The following SNX29 variants were observed in gnomAD, a reference collection of about 807,000 sequenced individuals.
SNX29 encodes the protein sorting nexin 29, also known as sorting nexin-29.
SNX29 carries 78 observed loss-of-function variants against 102.1 expected under a neutral mutation model. The ratio of observed to expected loss-of-function variants is 0.76; its 90% confidence interval spans 0.64 to 0.92. SNX29 has a LOEUF of 0.92. Among genes scored for constraint, SNX29 ranks in the 40% least tolerant of loss-of-function variants. The probability of loss-of-function intolerance (pLI) is 0.00; values close to 1 mark genes in which losing one functional copy is unlikely to be tolerated. For missense variants in SNX29, 1,280 were observed against 1,061.7 expected (o/e 1.21, Z -2.86); for synonymous variants, 580 against 414.5 (o/e 1.40, Z -4.85).
intron 18 of SNX29, among the ~76,000 whole-genome samples, chr16:12,414,814 G>A (rs181135577): frequency 1.3e-5 from 2 of 152,218 alleles, no homozygotes; most frequent in Admixed American, 6.5e-5. Context: ...CTTCGCCTCC[G>A]GGGTTCAAGC....
chr16:12,262,694 G>T (rs1225913210), intron 14 of SNX29, among the ~76,000 whole-genome samples: 2 of 152,170 alleles, frequency 1.3e-5, no homozygotes, highest in Admixed American at 6.5e-5. Context: ...AGGAGACCAG[G>T]GCAGTGATGA....
intron 3 of SNX29, among the ~76,000 whole-genome samples, chr16:12,012,377 G>A (rs2056683352): frequency 6.6e-6 from 1 of 151,992 alleles, no homozygotes; most frequent in South Asian, 2.1e-4. Context: ...GGGAAGTATT[G>A]GAATGCCATC....
At chr16:12,391,159 T>A (rs1451594944) in intron 16 of SNX29, among the ~76,000 whole-genome samples, 1 of 152,106 alleles carries the variant, frequency 6.6e-6, no homozygotes, top group African/African-American at 2.4e-5. Flanking sequence ...TTGCCCAGAC[T>A]GGCCTTAGAC....
At chr16:12,278,155 C>T in intron 15 of SNX29, 119 bp downstream of exon 15, 3 of 767,202 alleles carry the variant, frequency 3.9e-6, no homozygotes, top group South Asian at 3.3e-5. Flanking sequence ...AACTCCTCAG[C>T]CCCACAAAAC....
At chr16:12,007,743 C>T (rs913247642) in intron 3 of SNX29, among the ~76,000 whole-genome samples, 4 of 152,240 alleles carry the variant, frequency 2.6e-5, no homozygotes, top group Non-Finnish European at 4.4e-5. Context: ...TCTTCCCATT[C>T]GTTCTTGTCC....
At chr16:12,158,042 C>G (rs557387023) in intron 13 of SNX29, among the ~76,000 whole-genome samples, 35 of 152,028 alleles carry the variant, frequency 2.3e-4, no homozygotes, top group Non-Finnish European at 2.6e-4. Flanking sequence ...GGTACAGTGA[C>G]CAACTCCAGC....
At chr16:12,288,514 T>C (rs2079679501) in intron 15 of SNX29, among the ~76,000 whole-genome samples, 1 of 152,066 alleles carries the variant, frequency 6.6e-6, no homozygotes, top group Non-Finnish European at 1.5e-5. Context: ...CACCGCCACT[T>C]CAATAAAGCT....
chr16:12,275,639 T>C (rs1203683277), intron 14 of SNX29, among the ~76,000 whole-genome samples: 3 of 152,080 alleles, frequency 2.0e-5, no homozygotes, highest in Admixed American at 1.3e-4. Context: ...TTATCAGTCA[T>C]CTACCTGATT....
In SNX29 at chr16:12,369,455, T is replaced by C. The variant is rs1016900650; in HGVS notation, c.1899+13176T>C. Among the ~76,000 whole-genome samples, 9 of 152,118 alleles carry C rather than the reference T, an allele frequency of 5.9e-5. No homozygotes were observed. The South Asian group carries it at 1.9e-3, about 32-fold the overall frequency. ...CCGGCCGCATGTTCATATCTTAATA[T>C]GATGTCATGAGCATGGGAAAGGGGT... On this transcript the variant is annotated intron_variant, in intron 16 of 20. Coordinates refer to ENST00000566228, the MANE Select transcript of SNX29 (RefSeq NM_032167.5).
intron 19 of SNX29, among the ~76,000 whole-genome samples, chr16:12,493,597 CGTT>C (rs1236440517): frequency 2.6e-5 from 4 of 152,216 alleles, no homozygotes; most frequent in African/African-American, 7.2e-5. Context: ...TGAGAGAGGG[CGTT>C]GTTGTTGTTT....
chr16:12,549,337 A>G (rs552531753), intron 20 of SNX29, among the ~76,000 whole-genome samples: 1 of 152,210 alleles, frequency 6.6e-6, no homozygotes, highest in Non-Finnish European at 1.5e-5. Context: ...TCTACCAAAA[A>G]TACAAAAATT....
intron 20 of SNX29, among the ~76,000 whole-genome samples, chr16:12,554,081 C>T (rs868327826): frequency 6.6e-6 from 1 of 152,368 alleles, no homozygotes; most frequent in Middle Eastern, 3.4e-3. Flanking sequence ...TCACCTTGGC[C>T]TCCCAAAAGC....
rs185203812 is a variant in SNX29, at chr16:12,359,886, C to T, written c.1899+3607C>T. The stretch of plus-strand genomic sequence containing the variant: ...TCGCCCAGGCTGGAGTGCAGTGGTG[C>T]GATCTCAGCTCAATGCAACCTCCGC... On this transcript the variant is annotated intron_variant, in intron 16 of 20. Transcript: ENST00000566228. Among the ~76,000 whole-genome samples, 476 of 152,228 alleles carry T rather than the reference C, an allele frequency of 3.1e-3. 3 individuals are homozygous for T. The highest frequency in any genetic ancestry group is 0.011 in the African/African-American group (447 of 41,520).
chr16:12,141,222 G>GT (rs2054856238), intron 13 of SNX29, among the ~76,000 whole-genome samples: 2 of 152,236 alleles, frequency 1.3e-5, no homozygotes, highest in African/African-American at 4.8e-5. Context: ...CAGATTATGA[G>GT]TAAGGTTTCC....
chr16:12,042,278 C>T (rs1245718802), intron 4 of SNX29, among the ~76,000 whole-genome samples: 2 of 152,196 alleles, frequency 1.3e-5, no homozygotes, highest in Admixed American at 1.3e-4. Context: ...TGATCCACCA[C>T]ATCAGCCTCC....
chr16:12,163,130 C>T (rs1289557160), intron 13 of SNX29, among the ~76,000 whole-genome samples: 1 of 152,192 alleles, frequency 6.6e-6, no homozygotes, highest in African/African-American at 2.4e-5. Context: ...GATACGCCCA[C>T]CTTGGCCTCC....
chr16:12,165,825 A>C (rs989033505), intron 13 of SNX29, among the ~76,000 whole-genome samples: 1 of 152,160 alleles, frequency 6.6e-6, no homozygotes, highest in Non-Finnish European at 1.5e-5. Flanking sequence ...CGGCCTCCCA[A>C]AGTGTTGGGA....
intron 2 of SNX29, 42 bp from the exon 3 acceptor site, chr16:12,002,949 C>T (rs779909303): frequency 7.4e-6 from 12 of 1,613,122 alleles, no homozygotes; most frequent in Non-Finnish European, 1.0e-5. Context: ...TTTGAGTGTC[C>T]CATCCCAACA....
intron 1 of SNX29, among the ~76,000 whole-genome samples, chr16:11,988,684 G>A (rs1596534771): frequency 6.6e-6 from 1 of 151,992 alleles, no homozygotes; most frequent in African/African-American, 2.4e-5. Flanking sequence ...ACGGGTGTGA[G>A]CCACCATGCT....
Sources: allele counts gnomAD v4.1 joint callset (sites outside exome capture counted in the v4.1 genomes callset), GRCh38; gene constraint gnomAD v4.1.1; transcripts MANE v1.5; gene names NCBI Gene and HGNC (gene_info 2026-07-23, HGNC 2026-07-21).